Variants in SPIRE2 observed in about 807,000 individuals in gnomAD.
SPIRE2 encodes spire type actin nucleation factor 2.
In SPIRE2, 76 loss-of-function variants were observed where a neutral mutation model predicts 80.7. The ratio of observed to expected loss-of-function variants is 0.94; its 90% CI spans 0.78 to 1.14. The LOEUF (loss-of-function observed/expected upper bound fraction) is 1.14, where lower values mean the gene tolerates loss of function less well. Ranked by LOEUF, SPIRE2 falls within the 50% of genes most tolerant of loss-of-function variation. The pLI is 0.00. For synonymous variants in SPIRE2, 535 were observed against 432.6 expected, an observed-to-expected ratio of 1.24 and a Z score of -2.94; for missense variants, 1,196 against 1,015.3, an observed-to-expected ratio of 1.18 and a Z score of -2.42.
rs2041689985 is a variant in SPIRE2, at chr16:89,856,186, A to C, written c.1052A>C (p.Lys351Thr). ...CATGAGAAGATCCTGGAGGAGATCAAGCAGGAGCGGAGGCTGCGCCCGGTG... is the reference window on the plus strand; with the variant it reads ...CATGAGAAGATCCTGGAGGAGATCACGCAGGAGCGGAGGCTGCGCCCGGTG... ...SLHEKILEEI[K>T]QERRLRPVRG... The change falls in exon 7 of 15, where the codon AAG becomes ACG. Residue 351 changes from lysine to threonine, a missense_variant. Lys to Thr is a moderately conservative substitution (Grantham distance 78). Coordinates refer to ENST00000378247, the MANE Select transcript of SPIRE2 (RefSeq NM_032451.2). 6.2e-7 allele frequency: 1 copy of C among 1,606,470 alleles called. No individual in the cohort carries two copies. The highest frequency in any genetic ancestry group is 1.3e-5 in the African/African-American group (1 of 74,830).
chr16:89,834,050 A>G (rs2041414681), intron 1 of SPIRE2, among the ~76,000 whole-genome samples: 1 of 151,178 alleles, frequency 6.6e-6, no homozygotes, highest in Non-Finnish European at 1.5e-5. Flanking sequence ...CTGCAGCAAG[A>G]CTCTTCTCTT....
Position 89,870,360 on chromosome 16 carries a change from A to G in SPIRE2, c.*88A>G, listed in dbSNP as rs2041829586. The G allele has an allele frequency of 4.3e-6, 3 of 691,828 alleles. No individual in the cohort carries two copies. The highest frequency in any genetic ancestry group is 2.5e-5 in the Admixed American group (1 of 40,498). 42.9% of individuals were successfully genotyped at this position (691,828 alleles called of 1,614,324 possible). A position where few individuals can be genotyped will look rare whatever the true frequency, so the allele number is the denominator to read the frequency against. On this transcript the variant is annotated 3_prime_UTR_variant, in exon 15 of 15. Transcript: ENST00000378247. ...CTGAGCTGTGCATGTACATATATAC[A>G]TATATAGATACATTTATAATATATA...
intron 1 of SPIRE2, among the ~76,000 whole-genome samples, chr16:89,843,219 C>G (rs1242635303): frequency 6.6e-6 from 1 of 152,196 alleles, no homozygotes; most frequent in African/African-American, 2.4e-5. Context: ...CCTGGCCCCA[C>G]TCCTGGCACT....
chr16:89,856,018 A>ACTTCCCCACCACAGGTCCCG, intron 6 of SPIRE2, 95 bp from the exon 7 acceptor site: 1 of 1,538,932 alleles, frequency 6.5e-7, no homozygotes, highest in South Asian at 1.3e-5. Context: ...TGTCATGGTC[A>ACTTCCCCACCACAGGTCCCG]CTTCCCCACC....
At chr16:89,844,753 T>A (rs1455468957) in intron 1 of SPIRE2, among the ~76,000 whole-genome samples, 4 of 152,328 alleles carry the variant, frequency 2.6e-5, no homozygotes, top group Admixed American at 1.3e-4. Flanking sequence ...AAAGTAATTT[T>A]AAAATTTTTT....
At chr16:89,851,784 G>A (rs1157123544) in intron 3 of SPIRE2, among the ~76,000 whole-genome samples, 2 of 152,224 alleles carry the variant, frequency 1.3e-5, no homozygotes, top group Non-Finnish European at 1.5e-5. Context: ...AGAGGCAGGG[G>A]ATTCCCTCTT....
intron 1 of SPIRE2, among the ~76,000 whole-genome samples, chr16:89,832,854 T>C (rs1456228355): frequency 3.9e-5 from 6 of 152,088 alleles, no homozygotes; most frequent in African/African-American, 1.4e-4. Context: ...AGAGTTTCGC[T>C]CTTATTGCCC....
chr16:89,868,369 C>A (rs2041807988), intron 13 of SPIRE2, among the ~76,000 whole-genome samples, 153 bp downstream of exon 13: 1 of 152,202 alleles, frequency 6.6e-6, no homozygotes, highest in Admixed American at 6.5e-5. Context: ...AGATAGTGTG[C>A]AGTTTTTAAA....
rs960951183 is a variant in SPIRE2 at position 89,828,645 on chromosome 16, A to C, written c.95A>C (p.Glu32Ala). ...CTGGAGGAGGTGCTGAAGGCCTACG[A>C]GCAGCCGCTCAACGAGGAGCAGGCG... ...LSLEEVLKAY[E>A]QPLNEEQAWA... The change falls in exon 1 of 15, where the codon GAG (glutamate) becomes GCG (alanine). Residue 32 changes from glutamate (E) to alanine (A), a missense_variant. Physicochemically the swap from Glu to Ala is moderately radical, Grantham distance 107. Coordinates refer to ENST00000378247, the MANE Select transcript of SPIRE2 (RefSeq NM_032451.2). The surrounding 1 kb of genome is among the most constrained non-coding windows in gnomAD (Gnocchi z 5.9). 7.3e-7 allele frequency: 1 copy of C among 1,362,698 alleles called. No homozygotes were observed. The highest frequency in any genetic ancestry group is 9.5e-7 in the Non-Finnish European group (1 of 1,047,408). 84.4% of individuals were successfully genotyped at this position (1,362,698 alleles called of 1,614,324 possible).
intron 1 of SPIRE2, among the ~76,000 whole-genome samples, chr16:89,837,113 GTCT>G (rs1003018445): frequency 1.1e-4 from 17 of 152,292 alleles, no homozygotes; most frequent in African/African-American, 3.1e-4. Flanking sequence ...GGAATTGCAG[GTCT>G]TCTCCCTCGA....
At chr16:89,851,781 G>A (rs144734307) in intron 3 of SPIRE2, among the ~76,000 whole-genome samples, 185 of 152,226 alleles carry the variant, frequency 1.2e-3, no homozygotes, top group African/African-American at 4.4e-3. Context: ...TGGAGAGGCA[G>A]GGGATTCCCT....
chr16:89,870,862 G>C lies in SPIRE2; in HGVS notation c.*590G>C, dbSNP rs1012221206. 1 of 154,246 alleles carries C rather than the reference G, an allele frequency of 6.5e-6. No individual in the cohort carries two copies. The highest frequency in any genetic ancestry group is 2.4e-5 in the African/African-American group (1 of 41,422). 9.6% of individuals were successfully genotyped at this position (154,246 alleles called of 1,614,324 possible). On this transcript the variant is annotated 3_prime_UTR_variant, in exon 15 of 15. Transcript: ENST00000378247. The stretch of plus-strand genomic sequence containing the variant: ...GCACTTTGGGAGGCCGAGGAGGGAG[G>C]ATCACCTGAGGTCAGGAGTTTGAGA...
At chr16:89,854,900 G>A (rs868848187) in intron 5 of SPIRE2, among the ~76,000 whole-genome samples, 1 of 152,054 alleles carries the variant, frequency 6.6e-6, no homozygotes, top group Non-Finnish European at 1.5e-5. Context: ...TGGAGGTCCA[G>A]GAATGGCCCC....
At chr16:89,843,122 G>A (rs1162007728) in intron 1 of SPIRE2, among the ~76,000 whole-genome samples, 2 of 152,204 alleles carry the variant, frequency 1.3e-5, no homozygotes, top group African/African-American at 2.4e-5. Context: ...CTGTAGAATC[G>A]GGTGGATGTT....
chr16:89,870,852 G>C lies in SPIRE2; in HGVS notation c.*580G>C, dbSNP rs956343341. Reference sequence around the variant, plus strand: ...TGTAATTCCAGCACTTTGGGAGGCCGAGGAGGGAGGATCACCTGAGGTCAG... The same window carrying C: ...TGTAATTCCAGCACTTTGGGAGGCCCAGGAGGGAGGATCACCTGAGGTCAG... On this transcript the variant is annotated 3_prime_UTR_variant, in exon 15 of 15. Coordinates refer to ENST00000378247, the MANE Select transcript of SPIRE2 (RefSeq NM_032451.2). The C allele has an allele frequency of 1.3e-5, 2 of 154,418 alleles. No individual in the cohort carries two copies. Among genetic ancestry groups the C allele is most frequent in the Non-Finnish European group, 2.9e-5 (2 of 69,444 alleles). 9.6% of individuals were successfully genotyped at this position (154,418 alleles called of 1,614,324 possible). A position where few individuals can be genotyped will look rare whatever the true frequency, so the allele number is the denominator to read the frequency against.
intron 2 of SPIRE2, 59 bp downstream of exon 2, chr16:89,845,424 A>G: frequency 1.4e-6 from 2 of 1,412,496 alleles, no homozygotes; most frequent in East Asian, 2.3e-5. Flanking sequence ...CCTGCATCTT[A>G]AAATGTAAAT....
chr16:89,855,932 G>T, intron 6 of SPIRE2, 181 bp from the exon 7 acceptor site: 1 of 1,185,358 alleles, frequency 8.4e-7, no homozygotes, highest in Non-Finnish European at 1.2e-6. Context: ...AGGTGCATGC[G>T]GAGCCCAGAG....
chr16:89,863,654 C>T lies in SPIRE2; in HGVS notation c.1710+44C>T. 1 of 1,613,780 alleles carries T rather than the reference C, an allele frequency of 6.2e-7. No individual in the cohort carries two copies. The stretch of plus-strand genomic sequence containing the variant: ...GGGGCTACGCTCTTGCCCGCTGGGT[C>T]AGGGGCGGGTGCCGAGAGGGCCAGT... On this transcript the variant is annotated intron_variant, in intron 11 of 14. Transcript: ENST00000378247. This position sits in a 1 kb window ranked among gnomAD's most constrained non-coding sequence, Gnocchi z 4.3.
Position 89,870,205 on chromosome 16 carries a change from C to T in SPIRE2, c.2078C>T (p.Thr693Met), listed in dbSNP as rs199989171. 79 of 1,608,716 alleles carry T rather than the reference C, an allele frequency of 4.9e-5. No individual in the cohort carries two copies. Among genetic ancestry groups the T allele is most frequent in the Admixed American group, 2.4e-4 (14 of 59,186 alleles). ...SRKSVDVLNT[T>M]PRRSRQTQSL... ...AAGAGCGTGGACGTCCTCAACACTACGCCACGACGCAGTCGCCAGACCCAA... is the reference window on the plus strand; with the variant it reads ...AAGAGCGTGGACGTCCTCAACACTATGCCACGACGCAGTCGCCAGACCCAA... Residue 693 changes from threonine to methionine, a missense_variant, in exon 15 of 15, where the codon ACG becomes ATG. Thr to Met is a moderately conservative substitution (Grantham distance 81). Coordinates refer to ENST00000378247, the MANE Select transcript of SPIRE2 (RefSeq NM_032451.2).
Sources: allele counts gnomAD v4.1 joint callset (sites outside exome capture counted in the v4.1 genomes callset), GRCh38; gene constraint gnomAD v4.1.1; non-coding constraint Gnocchi (gnomAD v3.1); transcripts MANE v1.5; gene names NCBI Gene and HGNC (gene_info 2026-07-23, HGNC 2026-07-21).